The following LARS2 variants were observed in gnomAD, a reference collection of about 807,000 sequenced individuals.
LARS2 encodes leucyl-tRNA synthetase 2, mitochondrial.
In LARS2, 81 loss-of-function variants were observed where a neutral mutation model predicts 116.6. That is an observed-to-expected ratio of 0.69 (90% CI 0.58 to 0.84). The LOEUF (loss-of-function observed/expected upper bound fraction) is 0.84. Among genes scored for constraint, LARS2 ranks in the 40% least tolerant of loss-of-function variants. LARS2 has a pLI of 0.00. For missense variants in LARS2, 968 were observed against 1,114.5 expected (o/e 0.87, Z 1.87); for synonymous variants, 396 against 407.2 (o/e 0.97, Z 0.33).
chr3:45,507,994 A>G (rs1267234796), intron 15 of LARS2, among the ~76,000 whole-genome samples: 2 of 152,100 alleles, frequency 1.3e-5, no homozygotes, highest in Non-Finnish European at 2.9e-5. Context: ...GAGAGGGGGC[A>G]CATTAGAGCG....
At chr3:45,434,587 G>A (rs1269543265) in intron 6 of LARS2, among the ~76,000 whole-genome samples, 1 of 152,200 alleles carries the variant, frequency 6.6e-6, no homozygotes, top group African/African-American at 2.4e-5. Flanking sequence ...GGTGTATGTT[G>A]ATAATCTTTT....
Position 45,457,038 on chromosome 3 carries a change from C to T in LARS2, c.607-1705C>T, listed in dbSNP as rs138110147. Among the ~76,000 whole-genome samples, 1,021 of 152,324 alleles carry T rather than the reference C, an allele frequency of 6.7e-3. 11 individuals are homozygous for T. Among genetic ancestry groups the T allele is most frequent in the African/African-American group, 0.023 (951 of 41,568 alleles). Reference sequence around the variant, plus strand: ...GGAGTTCAGGGAAACTCAGAAGGGACGGCAATGCGTTTGACCCTGGCAGCA... The same window carrying T: ...GGAGTTCAGGGAAACTCAGAAGGGATGGCAATGCGTTTGACCCTGGCAGCA... On this transcript the variant is annotated intron_variant, in intron 7 of 21. Transcript: ENST00000645846.
At chr3:45,468,963 C>G (rs1352233706) in intron 8 of LARS2, among the ~76,000 whole-genome samples, 7 of 152,156 alleles carry the variant, frequency 4.6e-5, no homozygotes, top group African/African-American at 1.7e-4. Context: ...CTTGGTTTGT[C>G]CCTCTCTTTC....
chr3:45,530,451 T>C (rs1366123784), intron 20 of LARS2, among the ~76,000 whole-genome samples: 1 of 151,912 alleles, frequency 6.6e-6, no homozygotes, highest in African/African-American at 2.4e-5. Context: ...ACCCGGGAGC[T>C]AGAGGTAGCA....
intron 6 of LARS2, among the ~76,000 whole-genome samples, chr3:45,443,827 T>C (rs1698958812): frequency 6.6e-6 from 1 of 152,088 alleles, no homozygotes; most frequent in South Asian, 2.1e-4. Context: ...ATAAATAAAA[T>C]AGATCAGATC....
intron 3 of LARS2, among the ~76,000 whole-genome samples, chr3:45,395,418 GT>G (rs1314371595): frequency 6.6e-6 from 1 of 152,242 alleles, no homozygotes; most frequent in African/African-American, 2.4e-5. Flanking sequence ...AGTGCTCTCT[GT>G]TCCTTTTCTG....
intron 7 of LARS2, among the ~76,000 whole-genome samples, chr3:45,451,472 A>G (rs750947370): frequency 4.6e-5 from 7 of 151,950 alleles, no homozygotes; most frequent in Non-Finnish European, 1.0e-4. Context: ...CTTTTCCCCA[A>G]TGTATGTTTT....
At chr3:45,408,267 G>T (rs1340035718) in intron 4 of LARS2, among the ~76,000 whole-genome samples, 1 of 152,230 alleles carries the variant, frequency 6.6e-6, no homozygotes, top group African/African-American at 2.4e-5. Flanking sequence ...TGGGCAGAAG[G>T]CCCCACCTGG....
chr3:45,480,900 G>A (rs185110157), intron 10 of LARS2, among the ~76,000 whole-genome samples: 36 of 152,220 alleles, frequency 2.4e-4, no homozygotes, highest in Middle Eastern at 3.4e-3. Context: ...TAACAACTGA[G>A]CATACCATAT....
chr3:45,422,230 G>A (rs1250501140), intron 6 of LARS2: 1 of 151,966 alleles, frequency 6.6e-6, no homozygotes, highest in Non-Finnish European at 1.5e-5. Flanking sequence ...TTTTTCATGT[G>A]TTTAATGAAT....
chr3:45,490,861 T>A (rs1479959031), intron 12 of LARS2, among the ~76,000 whole-genome samples: 4 of 152,208 alleles, frequency 2.6e-5, no homozygotes, highest in Non-Finnish European at 4.4e-5. Flanking sequence ...AAAGATAATT[T>A]CTCTTTTGTA....
chr3:45,467,048 A>G lies in LARS2; in HGVS notation c.751-7195A>G, dbSNP rs192081443. Among the ~76,000 whole-genome samples the G allele has an allele frequency of 1.1e-3, 169 of 152,276 alleles. 1 individual carries two copies. The highest frequency in any genetic ancestry group is 6.8e-3 in the Middle Eastern group (2 of 294). On this transcript the variant is annotated intron_variant, in intron 8 of 21. Coordinates refer to ENST00000645846, the MANE Select transcript of LARS2 (RefSeq NM_015340.4). The stretch of plus-strand genomic sequence containing the variant: ...ATTAGCGATAGGAAATGCAGTAAGT[A>G]CAGAATGGGCACAAATGGCCAGGTA...
intron 6 of LARS2, among the ~76,000 whole-genome samples, chr3:45,424,446 G>A (rs1048033881): frequency 1.3e-5 from 2 of 152,104 alleles, no homozygotes; most frequent in Non-Finnish European, 2.9e-5. Context: ...CCACACTATT[G>A]TAAAGTCAAA....
chr3:45,430,891 T>G (rs903432548), intron 6 of LARS2, among the ~76,000 whole-genome samples: 6 of 152,212 alleles, frequency 3.9e-5, no homozygotes, highest in East Asian at 1.9e-4. Context: ...GGCCCAATTT[T>G]TATTTTTTAA....
At chr3:45,394,996 G>A (rs1698021596) in intron 3 of LARS2, among the ~76,000 whole-genome samples, 1 of 152,158 alleles carries the variant, frequency 6.6e-6, no homozygotes, top group Non-Finnish European at 1.5e-5. Context: ...ACAGACAGCA[G>A]CAAACCAGGT....
At chr3:45,389,309 CG>C (rs1395320626) in intron 1 of LARS2, among the ~76,000 whole-genome samples, 1 of 151,864 alleles carries the variant, frequency 6.6e-6, no homozygotes, top group Non-Finnish European at 1.5e-5. Context: ...TTTTGTCTCA[CG>C]GGTCAAAACT....
intron 6 of LARS2, among the ~76,000 whole-genome samples, chr3:45,428,590 T>G (rs1264312666): frequency 6.6e-6 from 1 of 152,106 alleles, no homozygotes; most frequent in Non-Finnish European, 1.5e-5. Flanking sequence ...TTAAGTACAT[T>G]CATATTGTGG....
At position 45,516,158 on chromosome 3, in the gene LARS2, G is replaced by A; in HGVS notation, c.1926G>A (p.Lys642=). Reference sequence around the variant, plus strand: ...AGGTGACGTGGGAGAAGATGAGTAAGTCCAAACACAACGGGGTGGACCCAG... The same window carrying A: ...AGGTGACGTGGGAGAAGATGAGTAAATCCAAACACAACGGGGTGGACCCAG... ...KLEVTWEKMS[K]SKHNGVDPEE... The change falls in exon 17 of 22, where the codon AAG becomes AAA. Residue 642 remains lysine (K), a synonymous_variant. Coordinates refer to ENST00000645846, the MANE Select transcript of LARS2 (RefSeq NM_015340.4). 1 of 1,614,224 alleles carries A rather than the reference G, an allele frequency of 6.2e-7. No homozygotes were observed. Among genetic ancestry groups the A allele is most frequent in the Non-Finnish European group, 8.5e-7 (1 of 1,180,034 alleles).
rs998464465 is a variant in LARS2, at chr3:45,396,180, T to C, written c.234+1493T>C. 2.0e-5 allele frequency among the ~76,000 whole-genome samples: 3 copies of C among 152,214 alleles called. No homozygotes were observed. In the South Asian group the frequency reaches 6.2e-4, roughly 31 times the overall value. ...GGATCAAAATAAATTGTTTTAGCAA[T>C]TGGGGAGATAGCATAAGGGGCATTG... On this transcript the variant is annotated intron_variant, in intron 3 of 21. Transcript: ENST00000645846.
Sources: gnomAD v4.1 joint callset for allele counts (sites outside exome capture counted in the v4.1 genomes callset) on GRCh38, gnomAD v4.1.1 for gene constraint, MANE v1.5 for transcripts, NCBI Gene and HGNC (gene_info 2026-07-23, HGNC 2026-07-21) for gene names.